The following CYP2S1 variants were observed in gnomAD, a reference collection of about 807,000 sequenced individuals.
CYP2S1 encodes cytochrome P450 2S1.
In CYP2S1, 32 loss-of-function variants were observed where a neutral mutation model predicts 43.5. The ratio of observed to expected loss-of-function variants is 0.74; its 90% confidence interval spans 0.56 to 0.99. CYP2S1 has a LOEUF of 0.99. Ranked by LOEUF, CYP2S1 falls within the 50% of genes least tolerant of loss-of-function variation. The pLI is 0.00. For synonymous variants in CYP2S1, 283 were observed against 302.9 expected (o/e 0.93, Z 0.68); for missense variants, 575 against 673.9 (o/e 0.85, Z 1.62).
chr19:41,199,682 CG>C (rs1276008340), intron 5 of CYP2S1, among the ~76,000 whole-genome samples: 1 of 152,046 alleles, frequency 6.6e-6, no homozygotes, highest in East Asian at 1.9e-4. Flanking sequence ...ACATCATGCC[CG>C]GTCGGGCACA....
At chr19:41,201,158 C>T (rs2033483347) in intron 5 of CYP2S1, 73 bp from the exon 6 acceptor site, 1 of 1,547,016 alleles carries the variant, frequency 6.5e-7, no homozygotes, top group Non-Finnish European at 8.7e-7. Context: ...TTTCCGACCC[C>T]AGGCTTGGCT....
At chr19:41,202,291 C>T (rs1301034034) in intron 6 of CYP2S1, among the ~76,000 whole-genome samples, 1 of 152,126 alleles carries the variant, frequency 6.6e-6, no homozygotes, top group African/African-American at 2.4e-5. Flanking sequence ...CCCAGCCCAA[C>T]TCTAGCATTT....
At chr19:41,205,481 TCCTTCCTC>T (rs201143770) in intron 7 of CYP2S1, among the ~76,000 whole-genome samples, 2,186 of 150,372 alleles carry the variant, frequency 0.015, 57 homozygotes, top group African/African-American at 0.048. Flanking sequence ...CTTCCTTTCT[TCCTTCCTC>T]CCTTCCTCCC....
rs2033577958 is a variant in CYP2S1 at position 41,206,349 on chromosome 19, A to C, written c.1376A>C (p.Gln459Pro). ...TTCCTCTTCTTCACCACCATCCTAC[A>C]AGCCTTCTCCCTGGAGAGCCCGTGC... The part of the protein sequence containing the change: ...ELFLFFTTIL[Q>P]AFSLESPCPP... The change falls in exon 9 of 9, where the codon CAA becomes CCA. Residue 459 changes from glutamine to proline, a missense_variant. Physicochemically the swap from Gln to Pro is moderately conservative, Grantham distance 76. Transcript: ENST00000310054. 6.2e-7 allele frequency: 1 copy of C among 1,613,928 alleles called. No homozygotes were observed. The highest frequency in any genetic ancestry group is 1.3e-5 in the African/African-American group (1 of 74,874).
chr19:41,194,755 T>A (rs898965793), intron 2 of CYP2S1, 46 bp downstream of exon 2: 12 of 1,581,088 alleles, frequency 7.6e-6, no homozygotes, highest in Non-Finnish European at 1.0e-5. Flanking sequence ...CTGCCACCAC[T>A]TACTGGTGTG....
At position 41,198,684 on chromosome 19, in the gene CYP2S1, G is replaced by A. The variant is rs1219683188; in HGVS notation, c.655-25G>A. Reference sequence around the variant, plus strand: ...GAAGGTTCCTGCCAAGGTCCCATGAGAACTAGCTGCCCTTCTCCCCACAGA... The same window carrying A: ...GAAGGTTCCTGCCAAGGTCCCATGAAAACTAGCTGCCCTTCTCCCCACAGA... On this transcript the variant is annotated intron_variant, in intron 4 of 8. Coordinates refer to ENST00000310054, the MANE Select transcript of CYP2S1 (RefSeq NM_030622.8). The surrounding 1 kb of genome is among the most constrained non-coding windows in gnomAD (Gnocchi z 4.9). 4.2e-5 allele frequency: 68 copies of A among 1,613,524 alleles called. No individual in the cohort carries two copies. The highest frequency in any genetic ancestry group is 5.8e-5 in the Non-Finnish European group (68 of 1,179,668).
chr19:41,200,260 G>A (rs1470247955), intron 5 of CYP2S1, among the ~76,000 whole-genome samples: 2 of 152,070 alleles, frequency 1.3e-5, no homozygotes, highest in Non-Finnish European at 2.9e-5. Flanking sequence ...GTACAGTAGT[G>A]TTCAGTACAT....
Position 41,206,846 on chromosome 19 carries a change from A to C in CYP2S1, c.*358A>C. ...GGCTGTCACCTTCACAAGCCACAGAAACGGCCACACATGTTCACAGCTCAC... is the reference window on the plus strand; with the variant it reads ...GGCTGTCACCTTCACAAGCCACAGACACGGCCACACATGTTCACAGCTCAC... On this transcript the variant is annotated 3_prime_UTR_variant, in exon 9 of 9. Coordinates refer to ENST00000310054, the MANE Select transcript of CYP2S1 (RefSeq NM_030622.8). 2.1e-6 allele frequency: 1 copy of C among 486,822 alleles called. No individual in the cohort carries two copies. The highest frequency in any genetic ancestry group is 4.0e-6 in the Non-Finnish European group (1 of 247,068). The allele number at this position is 486,822 out of a possible 1,614,324, so 30.2% of individuals were successfully genotyped here.
At chr19:41,193,499 C>T (rs768600512) in intron 1 of CYP2S1, 58 bp downstream of exon 1, 197 of 1,384,978 alleles carry the variant, frequency 1.4e-4, no homozygotes, top group Non-Finnish European at 1.7e-4. Flanking sequence ...GAGAGAAACC[C>T]GAGTGCCAGG....
At position 41,206,529 on chromosome 19, in the gene CYP2S1, C is replaced by A. The variant is rs1339253685; in HGVS notation, c.*41C>A. The A allele has an allele frequency of 1.9e-6, 3 of 1,610,844 alleles. No individual in the cohort carries two copies. Among genetic ancestry groups the A allele is most frequent in the African/African-American group, 2.7e-5 (2 of 74,856 alleles). ...AAGTGGTGGGTGCCCAGGACGGTGC[C>A]TCCAGCCTCAACAGTGGGCATGGAC... is the stretch of plus-strand genomic sequence containing the variant. On this transcript the variant is annotated 3_prime_UTR_variant, in exon 9 of 9. Coordinates refer to ENST00000310054, the MANE Select transcript of CYP2S1 (RefSeq NM_030622.8).
intron 2 of CYP2S1, among the ~76,000 whole-genome samples, chr19:41,196,340 T>C (rs1283810371): frequency 6.6e-6 from 1 of 152,172 alleles, no homozygotes; most frequent in East Asian, 1.9e-4. Flanking sequence ...ATGCAGGGCC[T>C]GTGAGTCACG....
chr19:41,206,681 C>A lies in CYP2S1; in HGVS notation c.*193C>A. The A allele has an allele frequency of 1.2e-6, 1 of 800,756 alleles. No homozygotes were observed. Among genetic ancestry groups the A allele is most frequent in the Non-Finnish European group, 2.2e-6 (1 of 451,230 alleles). 49.6% of individuals were successfully genotyped at this position (800,756 alleles called of 1,614,324 possible). A position where few individuals can be genotyped will look rare whatever the true frequency, so the allele number is the denominator to read the frequency against. On this transcript the variant is annotated 3_prime_UTR_variant, in exon 9 of 9. Transcript: ENST00000310054. ...TGCTGCTAAGATGCACAACCGCACA[C>A]CCATACACAACTACAAGGGCCACAA...
In CYP2S1 at chr19:41,206,453, C is replaced by T; in HGVS notation, c.1480C>T (p.Pro494Ser). 1 of 1,614,146 alleles carries T rather than the reference C, an allele frequency of 6.2e-7. No individual in the cohort carries two copies. The highest frequency in any genetic ancestry group is 8.5e-7 in the Non-Finnish European group (1 of 1,180,046). ...IPPAFQLQVR[P>S]TDLHSTTQTR is the part of the protein sequence containing the mutation. ...CCCAGCCTTCCAGCTGCAAGTCCGT[C>T]CCACTGACCTTCACTCCACCACGCA... The change falls in exon 9 of 9, where the codon CCC becomes TCC. Residue 494 changes from proline to serine, a missense_variant. Coordinates refer to ENST00000310054, the MANE Select transcript of CYP2S1 (RefSeq NM_030622.8).
intron 6 of CYP2S1, among the ~76,000 whole-genome samples, chr19:41,202,346 G>C (rs1206885405): frequency 6.6e-6 from 1 of 152,182 alleles, no homozygotes; most frequent in African/African-American, 2.4e-5. Flanking sequence ...GGCTGACCTG[G>C]AATATGGGAG....
chr19:41,203,040 C>T (rs1289304635), intron 6 of CYP2S1, among the ~76,000 whole-genome samples: 1 of 151,690 alleles, frequency 6.6e-6, no homozygotes, highest in Non-Finnish European at 1.5e-5. Flanking sequence ...GGCGGAGTTG[C>T]AGCAAGCCAG....
rs80142449 is a variant in CYP2S1, at chr19:41,207,084, G to A, written c.*596G>A. The stretch of plus-strand genomic sequence containing the variant: ...CTTGTCCACACAGCTACCCACGTAC[G>A]ACATCGTCCTGGCTCCCCAGAGTAT... On this transcript the variant is annotated 3_prime_UTR_variant, in exon 9 of 9. Coordinates refer to ENST00000310054, the MANE Select transcript of CYP2S1 (RefSeq NM_030622.8). The A allele has an allele frequency of 0.014, 4,725 of 326,018 alleles. 44 individuals carry two copies. Among genetic ancestry groups the A allele is most frequent in the Non-Finnish European group, 0.018 (2,954 of 165,132 alleles). 20.2% of individuals were successfully genotyped at this position (326,018 alleles called of 1,614,324 possible).
intron 6 of CYP2S1, among the ~76,000 whole-genome samples, chr19:41,202,911 G>A (rs1004419014): frequency 1.3e-5 from 2 of 151,970 alleles, no homozygotes; most frequent in African/African-American, 2.4e-5. Context: ...GACCAGCCTC[G>A]CTAACATGGT....
Position 41,197,921 on chromosome 19 carries a change from G to A in CYP2S1, c.486G>A (p.Gly162=), listed in dbSNP as rs1217366113. 4 of 1,612,132 alleles carry A rather than the reference G, an allele frequency of 2.5e-6. No individual in the cohort carries two copies. The highest frequency in any genetic ancestry group is 1.1e-5 in the South Asian group (1 of 90,854). The change falls in exon 3 of 9, where the codon GGG becomes GGA. Residue 162 remains glycine, a synonymous_variant. Transcript: ENST00000310054. The part of the protein sequence containing the change: ...EARCLVETFQ[G]TEGRPFDPSL... ...GGTGTCTGGTGGAGACATTCCAGGG[G>A]ACAGAAGGTCAGCATGGCGGGGTCA...
chr19:41,197,952 G>C, intron 3 of CYP2S1, 24 bp downstream of exon 3: 1 of 1,596,620 alleles, frequency 6.3e-7, no homozygotes, highest in African/African-American at 1.3e-5. Context: ...GGTCACCCCA[G>C]GGTCTCCAGC....
Sources: gnomAD v4.1 joint callset for allele counts (sites outside exome capture counted in the v4.1 genomes callset) on GRCh38, gnomAD v4.1.1 for gene constraint, Gnocchi (gnomAD v3.1) non-coding constraint, MANE v1.5 for transcripts, NCBI Gene and HGNC (gene_info 2026-07-23, HGNC 2026-07-21) for gene names.